The following BPIFC variants were observed in gnomAD, a reference collection of about 807,000 sequenced individuals.
BPIFC encodes the protein BPI fold containing family C.
A neutral mutation model predicts 57.6 loss-of-function variants in BPIFC; 60 were observed. That is an observed-to-expected ratio of 1.04 (90% CI 0.85 to 1.29). BPIFC has a LOEUF of 1.29. Among genes scored for constraint, BPIFC ranks in the 50% most tolerant of loss-of-function variants. The pLI is 0.00. For synonymous variants in BPIFC, 243 were observed against 224.5 expected (o/e 1.08, Z -0.74); for missense variants, 581 against 600.5 (o/e 0.97, Z 0.34).
intron 3 of BPIFC, among the ~76,000 whole-genome samples, chr22:32,454,457 A>G (rs1934984161): frequency 2.0e-5 from 3 of 152,166 alleles, no homozygotes; most frequent in African/African-American, 7.2e-5. Flanking sequence ...TTCATCCTGG[A>G]ATAACTCATC....
In BPIFC at chr22:32,445,885, G is replaced by A. The variant is rs759703443; in HGVS notation, c.486C>T (p.Tyr162=). The A allele has an allele frequency of 1.1e-5, 17 of 1,614,132 alleles. No individual in the cohort carries two copies. The highest frequency in any genetic ancestry group is 5.5e-5 in the South Asian group (5 of 91,080). Residue 162 remains tyrosine (Y), a synonymous_variant, in exon 6 of 17, where the codon TAC becomes TAT. Coordinates refer to ENST00000300399, the MANE Select transcript of BPIFC (RefSeq NM_174932.3). ...GHPTLKLQDC[Y]AQLSHAHVSF... The stretch of plus-strand genomic sequence containing the variant: ...AGACGTGGGCATGGCTCAGTTGGGC[G>A]TAGCAATCTTGGAGCTTCAGGGTAG...
Position 32,450,131 on chromosome 22 carries a change from CACACACACACAT to C in BPIFC, c.246-2803_246-2792del, listed in dbSNP as rs1181293507. 1.8e-3 allele frequency among the ~76,000 whole-genome samples: 177 copies of C among 96,074 alleles called. 2 individuals are homozygous for C. Among genetic ancestry groups the C allele is most frequent in the African/African-American group, 6.5e-3 (143 of 22,100 alleles). The allele number at this position is 96,074 out of a possible 152,430, so 63.0% of individuals were successfully genotyped here. On this transcript the variant is annotated intron_variant, in intron 4 of 16. Coordinates refer to ENST00000300399, the MANE Select transcript of BPIFC (RefSeq NM_174932.3). ...ACACACACACACACACACACACACA[CACACACACACAT>C]ATATACACATATATACACACATATA...
chr22:32,442,116 G>A (rs1050313366), intron 8 of BPIFC, among the ~76,000 whole-genome samples: 1 of 152,212 alleles, frequency 6.6e-6, no homozygotes, highest in East Asian at 1.9e-4. Flanking sequence ...ATGAAAGGAT[G>A]GAGGAGAGAG....
At chr22:32,423,577 G>GGTGTGTGGGTGT (rs1556036076) in intron 13 of BPIFC, among the ~76,000 whole-genome samples, 1 of 143,198 alleles carries the variant, frequency 7.0e-6, no homozygotes, top group African/African-American at 2.7e-5. Flanking sequence ...GTAGGGTGTG[G>GGTGTGTGGGTGT]GTGTGTGTGT....
At chr22:32,462,819 T>C (rs1935193912) in intron 1 of BPIFC, among the ~76,000 whole-genome samples, 1 of 152,234 alleles carries the variant, frequency 6.6e-6, no homozygotes, top group Non-Finnish European at 1.5e-5. Flanking sequence ...ACCATTTTCC[T>C]TTTTGTTGTT....
At chr22:32,450,011 A>C (rs930901694) in intron 4 of BPIFC, among the ~76,000 whole-genome samples, 1 of 151,770 alleles carries the variant, frequency 6.6e-6, no homozygotes, top group Non-Finnish European at 1.5e-5. Flanking sequence ...TGGGATTACA[A>C]GCGTGAGCCA....
chr22:32,426,082 T>A (rs1934059954), intron 13 of BPIFC, among the ~76,000 whole-genome samples: 1 of 152,184 alleles, frequency 6.6e-6, no homozygotes, highest in African/African-American at 2.4e-5. Flanking sequence ...GGGGTTTGTC[T>A]CTGATTTCTG....
At chr22:32,441,053 C>T (rs918220058) in intron 8 of BPIFC, among the ~76,000 whole-genome samples, 2 of 152,132 alleles carry the variant, frequency 1.3e-5, no homozygotes, top group East Asian at 3.9e-4. Flanking sequence ...AAACCATCCC[C>T]TCTTCCCCAT....
chr22:32,457,528 T>G, intron 2 of BPIFC, 142 bp from the exon 3 acceptor site: 1 of 832,300 alleles, frequency 1.2e-6, no homozygotes, highest in Non-Finnish European at 1.8e-6. Flanking sequence ...CATTCATCCA[T>G]CCATCCATCC....
chr22:32,462,168 C>CAAAAAAAAAAAAAAAAAAAAAAA (rs35716277), intron 1 of BPIFC, among the ~76,000 whole-genome samples: 1 of 53,604 alleles, frequency 1.9e-5, no homozygotes, highest in Non-Finnish European at 3.2e-5. Context: ...GACTCCATCT[C>CAAAAAAAAAAAAAAAAAAAAAAA]AAAAAAAAAA....
intron 5 of BPIFC, 63 bp downstream of exon 5, chr22:32,447,149 A>G: frequency 7.0e-7 from 1 of 1,429,592 alleles, no homozygotes. Flanking sequence ...GTGAATTTCT[A>G]CATTTTCCGT....
chr22:32,420,172 G>A (rs962998302), intron 13 of BPIFC, among the ~76,000 whole-genome samples: 1 of 151,924 alleles, frequency 6.6e-6, no homozygotes, highest in Non-Finnish European at 1.5e-5. Flanking sequence ...CAAAAAATTA[G>A]CAGGACATGG....
intron 8 of BPIFC, 35 bp from the exon 9 acceptor site, chr22:32,437,886 T>C: frequency 7.8e-7 from 1 of 1,281,034 alleles, no homozygotes; most frequent in Non-Finnish European, 1.1e-6. Context: ...AAAATCCATA[T>C]TCATTAAAGG....
chr22:32,434,314 T>C (rs1934331446), intron 10 of BPIFC, among the ~76,000 whole-genome samples: 1 of 149,322 alleles, frequency 6.7e-6, no homozygotes, highest in African/African-American at 2.4e-5. Context: ...TTTATATATA[T>C]ATTACACTCT....
Position 32,457,510 on chromosome 22 carries a change from AATCCATCCATTC to A in BPIFC, c.1-136_1-125del, listed in dbSNP as rs1935065302. 6.5e-6 allele frequency: 7 copies of A among 1,072,866 alleles called. No individual in the cohort carries two copies. The East Asian group carries it at 1.3e-4, about 20-fold the overall frequency. 66.5% of individuals were successfully genotyped at this position (1,072,866 alleles called of 1,614,324 possible). ...CTTCCAGAACTCAATACATCCATCC[AATCCATCCATTC>A]ATCCATCCATCCATCCATCCATCCA... On this transcript the variant is annotated intron_variant, in intron 2 of 16. Coordinates refer to ENST00000300399, the MANE Select transcript of BPIFC (RefSeq NM_174932.3).
intron 15 of BPIFC, 36 bp from the exon 16 acceptor site, chr22:32,416,027 C>T (rs1454549668): frequency 1.2e-5 from 16 of 1,376,370 alleles, no homozygotes; most frequent in Admixed American, 2.4e-5. Context: ...CAATTGGGCA[C>T]AAGCACAGAG....
At chr22:32,463,458 G>A (rs1194633309) in intron 1 of BPIFC, among the ~76,000 whole-genome samples, 2 of 152,126 alleles carry the variant, frequency 1.3e-5, no homozygotes, top group East Asian at 3.8e-4. Flanking sequence ...TAAATTAAAT[G>A]GTCCTTGTGT....
intron 11 of BPIFC, among the ~76,000 whole-genome samples, chr22:32,433,176 C>G (rs371549242): frequency 1.3e-5 from 2 of 152,328 alleles, no homozygotes; most frequent in South Asian, 2.1e-4. Flanking sequence ...GCACTCCAGC[C>G]TGGATGACAG....
chr22:32,461,178 G>A (rs920465463), intron 2 of BPIFC, among the ~76,000 whole-genome samples: 1 of 152,134 alleles, frequency 6.6e-6, no homozygotes, highest in Non-Finnish European at 1.5e-5. Context: ...TCAGAGTATT[G>A]GCTCCTTACC....
Sources: gnomAD v4.1 joint callset for allele counts (sites outside exome capture counted in the v4.1 genomes callset) on GRCh38, gnomAD v4.1.1 for gene constraint, MANE v1.5 for transcripts, NCBI Gene and HGNC (gene_info 2026-07-23, HGNC 2026-07-21) for gene names.